The following SCAF4 variants were observed in gnomAD, a reference collection of about 807,000 sequenced individuals.
The protein encoded by SCAF4 is SR-related CTD associated factor 4, also known as SR-related and CTD-associated factor 4.
In SCAF4, 25 loss-of-function variants were observed where a neutral mutation model predicts 129.8. The ratio of observed to expected loss-of-function variants is 0.19; its 90% CI spans 0.14 to 0.27. The LOEUF (loss-of-function observed/expected upper bound fraction) is 0.27, where lower values mean the gene tolerates loss of function less well. SCAF4 is among the 10% of genes least tolerant of loss of function. The probability of loss-of-function intolerance (pLI) is 1.00; values close to 1 mark genes in which losing one functional copy is unlikely to be tolerated. For synonymous variants in SCAF4, 551 were observed against 497.7 expected, an observed-to-expected ratio of 1.11 and a Z score of -1.43; for missense variants, 1,246 against 1,457.1, an observed-to-expected ratio of 0.86 and a Z score of 2.36.
intron 16 of SCAF4, 105 bp from the exon 17 acceptor site, chr21:31,685,838 A>C: frequency 9.1e-7 from 1 of 1,093,804 alleles, no homozygotes; most frequent in Non-Finnish European, 1.3e-6. Context: ...ATGTTTCTTA[A>C]TTTGTGCTTA....
At chr21:31,718,459 C>T (rs1473669271) in intron 1 of SCAF4, among the ~76,000 whole-genome samples, 2 of 152,112 alleles carry the variant, frequency 1.3e-5, no homozygotes, top group Non-Finnish European at 2.9e-5. Context: ...AGAAAATTTA[C>T]AAAGCTTTTT....
At chr21:31,694,163 T>A (rs1458377433) in intron 11 of SCAF4, 41 bp downstream of exon 11, 24 of 1,098,136 alleles carry the variant, frequency 2.2e-5, no homozygotes, top group Non-Finnish European at 3.2e-5. Flanking sequence ...CTATGTCCCC[T>A]AAGATATACA....
chr21:31,726,262 G>A (rs1011954344), intron 1 of SCAF4, among the ~76,000 whole-genome samples: 1 of 152,062 alleles, frequency 6.6e-6, no homozygotes, highest in African/African-American at 2.4e-5. Flanking sequence ...AGCCAGAATG[G>A]TCTCGATCTC....
At chr21:31,677,469 T>C (rs934745535) in intron 19 of SCAF4, among the ~76,000 whole-genome samples, 4 of 152,224 alleles carry the variant, frequency 2.6e-5, no homozygotes, top group Admixed American at 2.0e-4. Flanking sequence ...AAAATCCTAA[T>C]TGTATCCTTC....
In SCAF4 at chr21:31,692,127, G is replaced by C. The variant is rs59278700; in HGVS notation, c.1615-197C>G. ...GCTTTGTTATATAAAGACTTACCTA[G>C]AAATGTTTGAAATTAAACTTGGTTA... On this transcript the variant is annotated intron_variant, in intron 13 of 19. Transcript: ENST00000286835. 5 of 591,238 alleles carry C rather than the reference G, an allele frequency of 8.5e-6. No homozygotes were observed. The Admixed American group carries it at 9.0e-5, about 11-fold the overall frequency. 36.6% of individuals were successfully genotyped at this position (591,238 alleles called of 1,614,324 possible).
chr21:31,700,472 A>G (rs1408276391), intron 7 of SCAF4, among the ~76,000 whole-genome samples: 3 of 151,978 alleles, frequency 2.0e-5, no homozygotes, highest in African/African-American at 7.2e-5. Context: ...GAATGGCTGA[A>G]CTGTAATGTG....
chr21:31,717,840 T>TACACACACACACAC (rs538783172), intron 1 of SCAF4, among the ~76,000 whole-genome samples: 1 of 82,670 alleles, frequency 1.2e-5, no homozygotes, highest in South Asian at 3.7e-4. Context: ...TATATATATA[T>TACACACACACACAC]ATACACACAC....
Position 31,703,787 on chromosome 21 carries a change from T to C in SCAF4, c.299A>G (p.Tyr100Cys). ...TACCTTATCTTCAGATGGACAAAGATATAAATATTGGAATGTGGCAGTTAT... is the reference window on the plus strand; with the variant it reads ...TACCTTATCTTCAGATGGACAAAGACATAAATATTGGAATGTGGCAGTTAT... The part of the protein sequence containing the change: ...KNITATFQYL[Y>C]LCPSEDKSKI... The change falls in exon 4 of 20, where the codon TAT becomes TGT. Residue 100 changes from tyrosine (Y) to cysteine (C), a missense_variant. Transcript: ENST00000286835. 2.5e-6 allele frequency: 4 copies of C among 1,571,112 alleles called. No homozygotes were observed. Among genetic ancestry groups the C allele is most frequent in the Middle Eastern group, 3.4e-4 (2 of 5,932 alleles).
At position 31,709,478 on chromosome 21, in the gene SCAF4, C is replaced by T. The variant is rs571082249; in HGVS notation, c.31-3121G>A. Among the ~76,000 whole-genome samples, 35 of 152,136 alleles carry T rather than the reference C, an allele frequency of 2.3e-4. No homozygotes were observed. The Middle Eastern group carries it at 0.01, about 44-fold the overall frequency. On this transcript the variant is annotated intron_variant, in intron 1 of 19. Transcript: ENST00000286835. ...AGAGCTAATATTCATCTAATGCCCC[C>T]AAAAAGCACTTCTTTATCATTTCAG...
chr21:31,714,991 G>A (rs905707757), intron 1 of SCAF4, among the ~76,000 whole-genome samples: 13 of 152,236 alleles, frequency 8.5e-5, no homozygotes, highest in African/African-American at 2.9e-4. Context: ...GGGTCCGGAC[G>A]TAGTCCTGCA....
At chr21:31,690,595 C>A (rs966174223) in intron 15 of SCAF4, among the ~76,000 whole-genome samples, 4 of 152,188 alleles carry the variant, frequency 2.6e-5, no homozygotes, top group African/African-American at 7.2e-5. Flanking sequence ...ATCCCATAAT[C>A]AGTTAAGTAT....
chr21:31,675,784 G>A (rs1447988039), intron 19 of SCAF4, among the ~76,000 whole-genome samples: 1 of 152,062 alleles, frequency 6.6e-6, no homozygotes, highest in Non-Finnish European at 1.5e-5. Flanking sequence ...AAAAACAGTT[G>A]ATTTACAATT....
In SCAF4 at chr21:31,706,918, CAG is replaced by C. The variant is rs545024351; in HGVS notation, c.31-563_31-562del. 173 of 309,186 alleles carry C rather than the reference CAG, an allele frequency of 5.6e-4. 1 individual carries two copies. The highest frequency in any genetic ancestry group is 3.8e-3 in the African/African-American group (163 of 43,444). The allele number at this position is 309,186 out of a possible 1,614,324, so 19.2% of individuals were successfully genotyped here. Reference sequence around the variant, plus strand: ...GTCTCTGTCTCCCCTCTCTTCAATCCAGAGGAGTATTTTTATCAACTATTTTG... The same window carrying C: ...GTCTCTGTCTCCCCTCTCTTCAATCCAGGAGTATTTTTATCAACTATTTTG... On this transcript the variant is annotated intron_variant, in intron 1 of 19. Transcript: ENST00000286835.
chr21:31,717,610 AC>A (rs1240590260), intron 1 of SCAF4, among the ~76,000 whole-genome samples: 1 of 150,840 alleles, frequency 6.6e-6, no homozygotes, highest in Non-Finnish European at 1.5e-5. Flanking sequence ...TAACTTGTCC[AC>A]AGAGTAAATC....
In SCAF4 at chr21:31,693,407, C is replaced by A. The variant is rs1465898262; in HGVS notation, c.1400G>T (p.Arg467Met). 6.3e-7 allele frequency: 1 copy of A among 1,577,218 alleles called. No homozygotes were observed. The highest frequency in any genetic ancestry group is 8.7e-7 in the Non-Finnish European group (1 of 1,153,904). ...TCGGGGAGAATGTCGGCGTCTATCC[C>A]TGGACCGAGATCGAGAACGTCGATG... ...SRHRRSRSRSRDRRRHSPRSR... is the reference protein window; with the variant it reads ...SRHRRSRSRSMDRRRHSPRSR... The change falls in exon 12 of 20, where the codon AGG becomes ATG. Residue 467 changes from arginine to methionine, a missense_variant. By Grantham distance (91) the Arg-to-Met change is moderately conservative (BLOSUM62 -1). Transcript: ENST00000286835.
At chr21:31,705,508 T>C in intron 2 of SCAF4, 41 bp from the exon 3 acceptor site, 2 of 895,236 alleles carry the variant, frequency 2.2e-6, no homozygotes, top group Admixed American at 6.1e-5. Flanking sequence ...AGTTTACTTA[T>C]TTCTACATTT....
At chr21:31,702,441 T>G in intron 4 of SCAF4, 62 bp from the exon 5 acceptor site, 8 of 1,445,926 alleles carry the variant, frequency 5.5e-6, no homozygotes, top group Non-Finnish European at 5.7e-6. Context: ...GATTATACTC[T>G]TACAAAAAAA....
intron 1 of SCAF4, among the ~76,000 whole-genome samples, chr21:31,722,714 G>A (rs910186988): frequency 1.3e-5 from 2 of 151,998 alleles, no homozygotes; most frequent in African/African-American, 4.8e-5. Flanking sequence ...CCAGCACTTT[G>A]GGAGGCTGAG....
intron 19 of SCAF4, among the ~76,000 whole-genome samples, chr21:31,681,709 C>G (rs2049998612): frequency 6.6e-6 from 1 of 152,118 alleles, no homozygotes; most frequent in South Asian, 2.1e-4. Flanking sequence ...ATCAGTATTA[C>G]TAAAAGAATC....
Sources: allele counts gnomAD v4.1 joint callset (sites outside exome capture counted in the v4.1 genomes callset), GRCh38; gene constraint gnomAD v4.1.1; transcripts MANE v1.5; gene names NCBI Gene and HGNC (gene_info 2026-07-23, HGNC 2026-07-21).